The following RNF115 variants were observed in gnomAD, a reference collection of about 807,000 sequenced individuals.
The protein encoded by RNF115 is E3 ubiquitin-protein ligase RNF115.
Under a neutral mutation model 39.2 loss-of-function variants are expected in RNF115, and 31 were observed. That is an observed-to-expected ratio of 0.79 (90% CI 0.59 to 1.07). The LOEUF (loss-of-function observed/expected upper bound fraction) is 1.07. Among genes scored for constraint, RNF115 ranks in the 50% least tolerant of loss-of-function variants. The pLI is 0.00. For missense variants in RNF115, 384 were observed against 381.7 expected, an observed-to-expected ratio of 1.01 and a Z score of -0.05; for synonymous variants, 124 against 131.0, an observed-to-expected ratio of 0.95 and a Z score of 0.37.
chr1:145,788,514 T>C (rs1553718434), intron 2 of RNF115, among the ~76,000 whole-genome samples: 1 of 152,132 alleles, frequency 6.6e-6, no homozygotes, highest in Non-Finnish European at 1.5e-5. Flanking sequence ...GCCAAAGAGG[T>C]ATAACAGCAG....
intron 1 of RNF115, among the ~76,000 whole-genome samples, chr1:145,794,634 C>A (rs587650200): frequency 2.2e-4 from 32 of 148,768 alleles, no homozygotes; most frequent in Admixed American, 4.8e-4. Flanking sequence ...GGTTCTGTGT[C>A]CGGAATTTAT....
At chr1:145,809,488 ATT>A (rs781918386) in intron 1 of RNF115, among the ~76,000 whole-genome samples, 1,701 of 46,336 alleles carry the variant, frequency 0.037, 89 homozygotes, top group African/African-American at 0.15. Context: ...GACCCAGCTA[ATT>A]TTTTTTTTTT....
chr1:145,747,031 C>T, intron 8 of RNF115, 34 bp from the exon 9 acceptor site: 1 of 1,587,184 alleles, frequency 6.3e-7, no homozygotes, highest in South Asian at 1.1e-5. Flanking sequence ...ATGTGAAGAT[C>T]CTGGCCTGAG....
intron 1 of RNF115, among the ~76,000 whole-genome samples, chr1:145,819,541 A>G (rs1230193068): frequency 1.3e-4 from 20 of 152,172 alleles, no homozygotes; most frequent in African/African-American, 3.1e-4. Flanking sequence ...CACGAAGAAG[A>G]GCTTGTACCA....
intron 4 of RNF115, among the ~76,000 whole-genome samples, chr1:145,764,539 A>G (rs1266246644): frequency 6.2e-5 from 8 of 128,658 alleles, no homozygotes; most frequent in Non-Finnish European, 1.2e-4. Flanking sequence ...GCCCCGTCTG[A>G]GAAGTGAGGA....
intron 7 of RNF115, among the ~76,000 whole-genome samples, chr1:145,748,354 T>TA (rs1488970382): frequency 1.2e-4 from 18 of 152,286 alleles, no homozygotes; most frequent in African/African-American, 4.3e-4. Context: ...AAAAGGCCTA[T>TA]ATAGGAACTA....
rs1450584324 is a variant in RNF115 at position 145,766,597 on chromosome 1, G to T, written c.428+5114C>A. Among the ~76,000 whole-genome samples the T allele has an allele frequency of 2.0e-5, 3 of 147,442 alleles. No homozygotes were observed. In the East Asian group the frequency reaches 6.0e-4, roughly 29 times the overall value. ...CGGGCAGAGGCGCCCCTCACCTCCC[G>T]GACGGGGCGGCTGGCCGGGCGGGGG... On this transcript the variant is annotated intron_variant, in intron 4 of 8. Transcript: ENST00000582693.
At chr1:145,775,604 T>C (rs1407244986) in intron 3 of RNF115, among the ~76,000 whole-genome samples, 2 of 152,204 alleles carry the variant, frequency 1.3e-5, no homozygotes, top group East Asian at 1.9e-4. Flanking sequence ...TCTAATTTTG[T>C]GGCTGGTCTC....
At chr1:145,749,811 T>C (rs587681414) in intron 7 of RNF115, among the ~76,000 whole-genome samples, 3 of 152,284 alleles carry the variant, frequency 2.0e-5, no homozygotes, top group Admixed American at 6.5e-5. Flanking sequence ...TTTCCTTAAA[T>C]AGAATGACCT....
At chr1:145,749,240 A>G (rs1205898958) in intron 7 of RNF115, among the ~76,000 whole-genome samples, 2 of 152,112 alleles carry the variant, frequency 1.3e-5, no homozygotes, top group African/African-American at 4.8e-5. Flanking sequence ...CTTAGCCCTA[A>G]TTCTTTTACT....
intron 5 of RNF115, among the ~76,000 whole-genome samples, chr1:145,752,444 C>T (rs928149465): frequency 1.3e-5 from 2 of 151,988 alleles, no homozygotes; most frequent in South Asian, 4.2e-4. Context: ...ACATTTCTAG[C>T]ACCCAAACAT....
At chr1:145,794,950 G>A (rs182188942) in intron 1 of RNF115, among the ~76,000 whole-genome samples, 44 of 150,464 alleles carry the variant, frequency 2.9e-4, no homozygotes, top group African/African-American at 9.1e-4. Flanking sequence ...CCGGGAGGCG[G>A]AGCTTGCCGT....
intron 4 of RNF115, among the ~76,000 whole-genome samples, chr1:145,767,664 G>A (rs1176001715): frequency 3.3e-5 from 5 of 152,196 alleles, no homozygotes; most frequent in African/African-American, 1.2e-4. Context: ...TCACGCCACT[G>A]CACTCCAGCC....
Position 145,764,471 on chromosome 1 carries a change from C to T in RNF115, c.428+7240G>A, listed in dbSNP as rs1306685654. Among the ~76,000 whole-genome samples, 7 of 151,802 alleles carry T rather than the reference C, an allele frequency of 4.6e-5. No individual in the cohort carries two copies. In the East Asian group the frequency reaches 9.8e-4, roughly 21 times the overall value. On this transcript the variant is annotated intron_variant, in intron 4 of 8. Coordinates refer to ENST00000582693, the MANE Select transcript of RNF115 (RefSeq NM_014455.4). The stretch of plus-strand genomic sequence containing the variant: ...ACCGCCCTGTCTGGGATGTGAGGAG[C>T]GCCTCTGCCCGGCCGCGACCCCGTC...
rs1256478439 is a variant in RNF115, at chr1:145,741,589, A to T, written c.*5277T>A. 1 of 152,292 alleles carries T rather than the reference A, an allele frequency of 6.6e-6. No individual in the cohort carries two copies. The highest frequency in any genetic ancestry group is 2.4e-5 in the African/African-American group (1 of 41,464). The allele number at this position is 152,292 out of a possible 1,614,324, so 9.4% of individuals were successfully genotyped here. A position where few individuals can be genotyped will look rare whatever the true frequency, so the allele number is the denominator to read the frequency against. On this transcript the variant is annotated 3_prime_UTR_variant, in exon 9 of 9. Coordinates refer to ENST00000582693, the MANE Select transcript of RNF115 (RefSeq NM_014455.4). The stretch of plus-strand genomic sequence containing the variant: ...AGCCACTTGTGATACTTACCCCATC[A>T]AAGTTTTCCTCCATCTTACTGTGAC...
chr1:145,759,147 C>G (rs587635357), intron 4 of RNF115, among the ~76,000 whole-genome samples: 41 of 152,310 alleles, frequency 2.7e-4, no homozygotes, highest in African/African-American at 8.4e-4. Flanking sequence ...TCCTTATCTT[C>G]CAAACTTCTA....
intron 1 of RNF115, among the ~76,000 whole-genome samples, chr1:145,818,287 T>C (rs587732825): frequency 1.4e-4 from 22 of 152,052 alleles, no homozygotes; most frequent in African/African-American, 5.3e-4. Flanking sequence ...TAATAATAGC[T>C]ATTCTGACTG....
chr1:145,748,734 G>A (rs1657968630), intron 7 of RNF115, among the ~76,000 whole-genome samples: 1 of 151,872 alleles, frequency 6.6e-6, no homozygotes, highest in African/African-American at 2.4e-5. Flanking sequence ...AAAATACAAA[G>A]ATTAGCTGGG....
Position 145,753,048 on chromosome 1 carries a change from T to G in RNF115, c.430A>C (p.Ile144Leu). 6.2e-7 allele frequency: 1 copy of G among 1,605,040 alleles called. No homozygotes were observed. Among genetic ancestry groups the G allele is most frequent in the Non-Finnish European group, 8.5e-7 (1 of 1,172,226 alleles). Residue 144 changes from isoleucine to leucine, a missense_variant and splice_region_variant, in exon 5 of 9, where the codon ATA becomes CTA. Coordinates refer to ENST00000582693, the MANE Select transcript of RNF115 (RefSeq NM_014455.4). ...RPDRSPAIEG[I>L]LQHIFAGFFA... ...AATCCTGCAAAGATGTGTTGTAGTATTCTGTTACAGAAGAAAAAATTAGAT... is the reference window on the plus strand; with the variant it reads ...AATCCTGCAAAGATGTGTTGTAGTAGTCTGTTACAGAAGAAAAAATTAGAT...
Sources: gnomAD v4.1 joint callset for allele counts (sites outside exome capture counted in the v4.1 genomes callset) on GRCh38, gnomAD v4.1.1 for gene constraint, MANE v1.5 for transcripts, NCBI Gene and HGNC (gene_info 2026-07-23, HGNC 2026-07-21) for gene names.